PCSK2: variants seen among roughly 807,000 people sequenced by gnomAD.
PCSK2 encodes the protein proprotein convertase subtilisin/kexin type 2.
A neutral mutation model predicts 69.7 loss-of-function variants in PCSK2; 14 were observed. That is an observed-to-expected ratio of 0.20 (90% CI 0.13 to 0.31). The LOEUF (loss-of-function observed/expected upper bound fraction) is 0.31, where lower values mean the gene tolerates loss of function less well. Ranked by LOEUF, PCSK2 falls within the 10% of genes least tolerant of loss-of-function variation. PCSK2 has a pLI of 1.00. For missense variants in PCSK2, 544 were observed against 842.5 expected (o/e 0.65, Z 4.39); for synonymous variants, 307 against 320.7 (o/e 0.96, Z 0.46).
At chr20:17,258,758 T>C (rs1195525335) in intron 1 of PCSK2, among the ~76,000 whole-genome samples, 1 of 118,160 alleles carries the variant, frequency 8.5e-6, no homozygotes, top group Admixed American at 9.6e-5. Context: ...TTGCATAATA[T>C]GTAGTGTGTG....
chr20:17,348,490 G>A (rs761444407), intron 2 of PCSK2, among the ~76,000 whole-genome samples: 7 of 152,228 alleles, frequency 4.6e-5, no homozygotes, highest in Non-Finnish European at 1.0e-4. Context: ...CACAACCAAA[G>A]TACACATGGG....
intron 1 of PCSK2, among the ~76,000 whole-genome samples, chr20:17,240,963 C>T (rs1233233287): frequency 6.6e-6 from 1 of 152,208 alleles, no homozygotes; most frequent in East Asian, 1.9e-4. Context: ...TTGTTAGGCA[C>T]ATAAACATAG....
At chr20:17,448,587 T>C (rs1292872565) in intron 8 of PCSK2, among the ~76,000 whole-genome samples, 1 of 152,100 alleles carries the variant, frequency 6.6e-6, no homozygotes, top group African/African-American at 2.4e-5. Context: ...AAATACTGTT[T>C]TGTCGGTGGT....
At chr20:17,480,781 G>T (rs2123426851) in intron 11 of PCSK2, among the ~76,000 whole-genome samples, 1 of 152,348 alleles carries the variant, frequency 6.6e-6, no homozygotes, top group South Asian at 2.1e-4. Context: ...TAGGGACACT[G>T]AGTTGTCACG....
At chr20:17,439,121 AC>A (rs1178344141) in intron 8 of PCSK2, among the ~76,000 whole-genome samples, 1 of 151,444 alleles carries the variant, frequency 6.6e-6, no homozygotes, top group African/African-American at 2.4e-5. Context: ...GGTTTTTTAG[AC>A]TAGGTTTTCT....
Position 17,230,681 on chromosome 20 carries a change from A to G in PCSK2, c.177+3199A>G, listed in dbSNP as rs140641394. On this transcript the variant is annotated intron_variant, in intron 1 of 11. Transcript: ENST00000262545. The stretch of plus-strand genomic sequence containing the variant: ...GGTACGTGTATTTATGTCTTCAGGT[A>G]GACTATAAATCTTCCAAGAGGAGAA... 6.8e-3 allele frequency among the ~76,000 whole-genome samples: 1,037 copies of G among 152,312 alleles called. 7 individuals carry two copies. The highest frequency in any genetic ancestry group is 0.011 in the Non-Finnish European group (748 of 68,028).
intron 6 of PCSK2, among the ~76,000 whole-genome samples, chr20:17,419,134 C>G (rs2123320369): frequency 6.6e-6 from 1 of 152,368 alleles, no homozygotes; most frequent in Non-Finnish European, 1.5e-5. Context: ...CTCATACCCT[C>G]TGCATTTACT....
chr20:17,344,783 C>G (rs1990603467), intron 2 of PCSK2, among the ~76,000 whole-genome samples: 1 of 152,090 alleles, frequency 6.6e-6, no homozygotes, highest in African/African-American at 2.4e-5. Context: ...TTGGAAGGCT[C>G]TTTTCCCAGT....
intron 1 of PCSK2, among the ~76,000 whole-genome samples, chr20:17,259,875 T>C (rs1568573176): frequency 6.6e-6 from 1 of 151,994 alleles, no homozygotes; most frequent in Non-Finnish European, 1.5e-5. Context: ...AGGTGGTACC[T>C]GGGGTATGCA....
chr20:17,465,444 C>T lies in PCSK2; in HGVS notation c.1321C>T (p.Leu441Phe). 1 of 1,614,148 alleles carries T rather than the reference C, an allele frequency of 6.2e-7. No homozygotes were observed. The highest frequency in any genetic ancestry group is 8.5e-7 in the Non-Finnish European group (1 of 1,180,002). The change falls in exon 11 of 12, where the codon CTC (leucine) becomes TTC (phenylalanine). Residue 441 changes from leucine to phenylalanine, a missense_variant. Leu to Phe is a conservative substitution (Grantham distance 22, BLOSUM62 0). Around this residue, in one of 3 missense-constraint regions of PCSK2, gnomAD observed 200 missense variants for 287.8 expected, o/e 0.69. Coordinates refer to ENST00000262545, the MANE Select transcript of PCSK2 (RefSeq NM_002594.5). ...TGGGGTCGGCCTGGAATTTAATCACCTCTTTGGCTACGGGGTCCTTGATGC... is the reference window on the plus strand; with the variant it reads ...TGGGGTCGGCCTGGAATTTAATCACTTCTTTGGCTACGGGGTCCTTGATGC... ...RNGVGLEFNH[L>F]FGYGVLDAGA...
chr20:17,437,148 G>A (rs1460282992), intron 8 of PCSK2, among the ~76,000 whole-genome samples: 1 of 151,766 alleles, frequency 6.6e-6, no homozygotes, highest in Non-Finnish European at 1.5e-5. Flanking sequence ...GGGGGGGGGA[G>A]GGTCTCAGAC....
intron 2 of PCSK2, among the ~76,000 whole-genome samples, chr20:17,297,690 GTCCT>G (rs1988943250): frequency 6.6e-6 from 1 of 152,146 alleles, no homozygotes; most frequent in South Asian, 2.1e-4. Flanking sequence ...CTTCGTGAAT[GTCCT>G]TCCTTATCAA....
chr20:17,437,033 A>T, intron 8 of PCSK2, 150 bp downstream of exon 8: 1 of 605,438 alleles, frequency 1.7e-6, no homozygotes, highest in Non-Finnish European at 2.7e-6. Flanking sequence ...GCCATGCAGG[A>T]GGCTGACTGC....
intron 8 of PCSK2, among the ~76,000 whole-genome samples, chr20:17,447,089 C>G (rs2032712483): frequency 1.0e-5 from 1 of 96,204 alleles, no homozygotes; most frequent in East Asian, 2.5e-4. Flanking sequence ...TCCGTCATCT[C>G]TACTAAAAAA....
intron 8 of PCSK2, among the ~76,000 whole-genome samples, chr20:17,449,676 C>G (rs1440298320): frequency 6.6e-6 from 1 of 151,762 alleles, no homozygotes; most frequent in Non-Finnish European, 1.5e-5. Context: ...TACAGGCATG[C>G]ACCACCACGC....
In PCSK2 at chr20:17,260,225, C is replaced by T. The variant is rs537007400; in HGVS notation, c.178-15C>T. ...CAGAAGCTAACTATGCCTATGTCTA[C>T]TTGACTCTCCACAGCTTCCCTTTGC... On this transcript the variant is annotated splice_polypyrimidine_tract_variant and intron_variant, in intron 1 of 11. Transcript: ENST00000262545. 4 of 1,563,618 alleles carry T rather than the reference C, an allele frequency of 2.6e-6. No homozygotes were observed. Among genetic ancestry groups the T allele is most frequent in the Non-Finnish European group, 3.5e-6 (4 of 1,134,080 alleles).
intron 2 of PCSK2, among the ~76,000 whole-genome samples, chr20:17,329,037 G>A (rs1310414006): frequency 6.6e-6 from 1 of 152,120 alleles, no homozygotes; most frequent in Non-Finnish European, 1.5e-5. Flanking sequence ...TCCATTAGCA[G>A]GTTGGGAATG....
chr20:17,477,162 A>G (rs1002593314), intron 11 of PCSK2, among the ~76,000 whole-genome samples: 1 of 152,240 alleles, frequency 6.6e-6, no homozygotes, highest in Non-Finnish European at 1.5e-5. Context: ...CTTGACTCCA[A>G]CTGGGCACAT....
intron 6 of PCSK2, among the ~76,000 whole-genome samples, chr20:17,422,724 G>A (rs575332240): frequency 5.3e-4 from 80 of 152,086 alleles, no homozygotes; most frequent in African/African-American, 1.7e-3. Context: ...TTTGCCGACC[G>A]GATACCAAAA....
Sources: gnomAD v4.1 joint callset for allele counts (sites outside exome capture counted in the v4.1 genomes callset) on GRCh38, gnomAD v4.1.1 for gene constraint, gnomAD v4.1.1 regional missense constraint, MANE v1.5 for transcripts, NCBI Gene and HGNC (gene_info 2026-07-23, HGNC 2026-07-21) for gene names.